Variants in SCIN observed in about 807,000 individuals in gnomAD.
SCIN encodes scinderin.
A neutral mutation model predicts 91.8 loss-of-function variants in SCIN; 91 were observed. The observed-to-expected ratio is 0.99, with a 90% confidence interval of 0.84 to 1.18. The LOEUF (loss-of-function observed/expected upper bound fraction) is 1.18, where lower values mean the gene tolerates loss of function less well. Ranked by LOEUF, SCIN falls within the 50% of genes most tolerant of loss-of-function variation. SCIN has a pLI of 0.00. For synonymous variants in SCIN, 367 were observed against 312.6 expected (o/e 1.17, Z -1.84); for missense variants, 1,087 against 863.9 (o/e 1.26, Z -3.24).
chr7:12,623,550 A>C (rs557002096), intron 5 of SCIN, among the ~76,000 whole-genome samples: 5 of 152,140 alleles, frequency 3.3e-5, no homozygotes, highest in Admixed American at 1.3e-4. Context: ...TTTTCTGTTG[A>C]GGGTAACAAA....
chr7:12,577,403 A>G, intron 1 of SCIN: 1 of 374,350 alleles, frequency 2.7e-6, no homozygotes, highest in Non-Finnish European at 5.2e-6. Flanking sequence ...AATAAAGGCT[A>G]AACCACTTGT....
chr7:12,597,408 A>G (rs1213880745), intron 3 of SCIN, among the ~76,000 whole-genome samples: 1 of 152,228 alleles, frequency 6.6e-6, no homozygotes, highest in Non-Finnish European at 1.5e-5. Context: ...ATTTAGAATA[A>G]TAACTTAGAA....
intron 3 of SCIN, among the ~76,000 whole-genome samples, chr7:12,598,022 T>C (rs1187165120): frequency 6.6e-6 from 1 of 152,342 alleles, no homozygotes; most frequent in Non-Finnish European, 1.5e-5. Flanking sequence ...AGTTGTTAAA[T>C]GCCTTAAGAT....
chr7:12,642,759 T>C (rs181478863), intron 11 of SCIN, among the ~76,000 whole-genome samples: 1 of 152,074 alleles, frequency 6.6e-6, no homozygotes, highest in East Asian at 1.9e-4. Flanking sequence ...TAGGTGAATG[T>C]ATCCCCACAC....
intron 8 of SCIN, 89 bp downstream of exon 8, chr7:12,626,888 G>A (rs1037144426): frequency 9.4e-6 from 11 of 1,169,128 alleles, no homozygotes; most frequent in African/African-American, 6.2e-5. Context: ...ACAGGAGTTC[G>A]AGATCAGCCT....
chr7:12,624,990 G>C lies in SCIN; in HGVS notation c.760-20G>C. On this transcript the variant is annotated intron_variant, in intron 5 of 15. Transcript: ENST00000297029. ...TATCATCCCCAAATGAAAACATGGA[G>C]GTCATGGTTTTTATATTAGGTTTCA... 6.5e-7 allele frequency: 1 copy of C among 1,549,220 alleles called. No individual in the cohort carries two copies. The highest frequency in any genetic ancestry group is 8.7e-7 in the Non-Finnish European group (1 of 1,145,924).
At chr7:12,637,043 T>C (rs1261854521) in intron 10 of SCIN, among the ~76,000 whole-genome samples, 1 of 152,196 alleles carries the variant, frequency 6.6e-6, no homozygotes, top group Non-Finnish European at 1.5e-5. Context: ...CTGCAATAGC[T>C]TGATTTTAGC....
chr7:12,616,612 C>G (rs1275921541), intron 4 of SCIN, among the ~76,000 whole-genome samples: 1 of 152,066 alleles, frequency 6.6e-6, no homozygotes, highest in Non-Finnish European at 1.5e-5. Context: ...CAAAGCTAAC[C>G]TGTTAACCAT....
chr7:12,604,049 C>T (rs1783020100), intron 3 of SCIN, among the ~76,000 whole-genome samples: 1 of 151,872 alleles, frequency 6.6e-6, no homozygotes, highest in African/African-American at 2.4e-5. Flanking sequence ...TTCAGCCATT[C>T]CACAATGTAT....
intron 1 of SCIN, among the ~76,000 whole-genome samples, chr7:12,573,320 C>G (rs74495219): frequency 6.6e-6 from 1 of 151,936 alleles, no homozygotes; most frequent in African/African-American, 2.4e-5. Context: ...TAAAGTTAAA[C>G]TGAGATGAAA....
At chr7:12,598,628 C>T (rs562067283) in intron 3 of SCIN, among the ~76,000 whole-genome samples, 3 of 152,214 alleles carry the variant, frequency 2.0e-5, no homozygotes, top group Non-Finnish European at 4.4e-5. Flanking sequence ...CACAGTGGCT[C>T]ATGCCTGTAA....
In SCIN at chr7:12,651,889, T is replaced by C. The variant is rs771502656; in HGVS notation, c.2008T>C (p.Ser670Pro). The change falls in exon 15 of 16, where the codon TCT becomes CCT. Residue 670 changes from serine to proline, a missense_variant. Physicochemically the swap from Ser to Pro is moderately conservative, Grantham distance 74 (BLOSUM62 -1). Coordinates refer to ENST00000297029, the MANE Select transcript of SCIN (RefSeq NM_001112706.3). The surrounding 1 kb of genome is among the most constrained non-coding windows in gnomAD (Gnocchi z 5.9). ...KDANEVEKKE[S>P]LKSAKMYLET... ...TGCTAATGAAGTTGAGAAAAAAGAATCTCTGAAGTCTGGTAAGCTCAATCG... is the reference window on the plus strand; with the variant it reads ...TGCTAATGAAGTTGAGAAAAAAGAACCTCTGAAGTCTGGTAAGCTCAATCG... 2 of 1,603,388 alleles carry C rather than the reference T, an allele frequency of 1.2e-6. No homozygotes were observed. Among genetic ancestry groups the C allele is most frequent in the South Asian group, 2.2e-5 (2 of 89,418 alleles).
chr7:12,596,687 T>C (rs1190485611), intron 3 of SCIN, among the ~76,000 whole-genome samples: 1 of 3,550 alleles, frequency 2.8e-4, no homozygotes, highest in Non-Finnish European at 8.1e-4. Flanking sequence ...GACTGTAAGC[T>C]TTTTTTTTTT....
intron 1 of SCIN, among the ~76,000 whole-genome samples, chr7:12,574,277 GA>G (rs1205011870): frequency 6.6e-6 from 1 of 152,104 alleles, no homozygotes; most frequent in African/African-American, 2.4e-5. Context: ...CATGCTGAGT[GA>G]AAAACCCTAA....
chr7:12,613,817 A>G (rs893860735), intron 4 of SCIN, among the ~76,000 whole-genome samples: 98 of 152,320 alleles, frequency 6.4e-4, no homozygotes, highest in African/African-American at 2.3e-3. Flanking sequence ...TCATGTAAAT[A>G]TAGTATTCTG....
rs1784193666 is a variant in SCIN at position 12,657,582 on chromosome 7, TTTTTTTTTTTTTTTTTG to T, written c.*4868_*4884del. The T allele has an allele frequency of 1.3e-5, 1 of 79,382 alleles. No individual in the cohort carries two copies. Among genetic ancestry groups the T allele is most frequent in the African/African-American group, 5.7e-5 (1 of 17,666 alleles). 4.9% of individuals were successfully genotyped at this position (79,382 alleles called of 1,614,324 possible). On this transcript the variant is annotated 3_prime_UTR_variant, in exon 16 of 16. Coordinates refer to ENST00000297029, the MANE Select transcript of SCIN (RefSeq NM_001112706.3). ...TATATATATATATATATTTTTTTTT[TTTTTTTTTTTTTTTTTG>T]CATTGGCAAAAAAACAAAGATATTG...
At position 12,570,898 on chromosome 7, in the gene SCIN, G is replaced by C; in HGVS notation, c.112G>C (p.Gly38Arg). Residue 38 changes from glycine to arginine, a missense_variant, in exon 1 of 16, where the codon GGC (glycine) becomes CGC (arginine). Physicochemically the swap from Gly to Arg is moderately radical, Grantham distance 125 (BLOSUM62 -2). Transcript: ENST00000297029. ...GGTGCCCGTGCCCCAGAGCGCTCAC[G>C]GCGACTTCTACGTCGGGGATGCCTA... ...ELVPVPQSAH[G>R]DFYVGDAYLV... 6.4e-7 allele frequency: 1 copy of C among 1,551,560 alleles called. No homozygotes were observed. The highest frequency in any genetic ancestry group is 8.7e-7 in the Non-Finnish European group (1 of 1,146,938).
intron 13 of SCIN, among the ~76,000 whole-genome samples, chr7:12,648,160 C>T (rs1784002669): frequency 6.6e-6 from 1 of 151,952 alleles, no homozygotes; most frequent in South Asian, 2.1e-4. Context: ...TTAATGCTAA[C>T]TATAATTTAA....
At chr7:12,593,844 C>T (rs1022681014) in intron 3 of SCIN, among the ~76,000 whole-genome samples, 17 of 152,014 alleles carry the variant, frequency 1.1e-4, no homozygotes, top group African/African-American at 3.6e-4. Context: ...AGGTCATCGG[C>T]ATATGCCTGT....
Sources: allele counts gnomAD v4.1 joint callset (sites outside exome capture counted in the v4.1 genomes callset), GRCh38; gene constraint gnomAD v4.1.1; non-coding constraint Gnocchi (gnomAD v3.1); transcripts MANE v1.5; gene names NCBI Gene and HGNC (gene_info 2026-07-23, HGNC 2026-07-21).